LRRFIP2: variants seen among roughly 807,000 people sequenced by gnomAD.
LRRFIP2 encodes the protein LRR binding FLII interacting protein 2, also known as leucine-rich repeat flightless-interacting protein 2.
A neutral mutation model predicts 125.9 loss-of-function variants in LRRFIP2; 109 were observed. That is an observed-to-expected ratio of 0.87 (90% CI 0.74 to 1.01). LRRFIP2 has a LOEUF of 1.01. LRRFIP2 is among the 50% of genes least tolerant of loss of function. LRRFIP2 has a pLI of 0.00. For missense variants in LRRFIP2, 850 were observed against 862.3 expected (o/e 0.99, Z 0.18); for synonymous variants, 291 against 293.1 (o/e 0.99, Z 0.07).
At chr3:37,113,496 C>T (rs1382937299) in intron 7 of LRRFIP2, among the ~76,000 whole-genome samples, 1 of 152,130 alleles carries the variant, frequency 6.6e-6, no homozygotes, top group Non-Finnish European at 1.5e-5. Context: ...GAGACAATGT[C>T]TTGCTATGTT....
intron 19 of LRRFIP2, among the ~76,000 whole-genome samples, chr3:37,079,808 C>A (rs1227201876): frequency 6.6e-6 from 1 of 151,958 alleles, no homozygotes; most frequent in Non-Finnish European, 1.5e-5. Flanking sequence ...TCACGCTAAG[C>A]GAAAGAAGCC....
chr3:37,167,197 CAAA>C (rs570958652), intron 1 of LRRFIP2, among the ~76,000 whole-genome samples: 2 of 50,932 alleles, frequency 3.9e-5, no homozygotes, highest in Non-Finnish European at 4.7e-5. Context: ...ATCTTGTCTC[CAAA>C]AAAAAAAAAA....
chr3:37,088,044 TA>T (rs1199204641), intron 18 of LRRFIP2, among the ~76,000 whole-genome samples: 2 of 152,332 alleles, frequency 1.3e-5, no homozygotes, highest in African/African-American at 4.8e-5. Context: ...CTGTATTTAT[TA>T]AAAGCTCCAG....
At chr3:37,094,646 T>C (rs1355710710) in intron 17 of LRRFIP2, 146 bp downstream of exon 17, 11 of 523,106 alleles carry the variant, frequency 2.1e-5, no homozygotes, top group Non-Finnish European at 2.7e-5. Flanking sequence ...TCTGAAACAC[T>C]TGAGTCACAC....
chr3:37,151,130 G>A (rs566434212), intron 1 of LRRFIP2, among the ~76,000 whole-genome samples: 3 of 152,114 alleles, frequency 2.0e-5, no homozygotes, highest in South Asian at 2.1e-4. Context: ...AGGCCAAGGC[G>A]GGCAAATCAC....
upstream of LRRFIP2, chr3:37,176,014 C>T (rs2096658335): frequency 6.6e-6 from 1 of 152,158 alleles, no homozygotes; most frequent in Admixed American, 6.5e-5. Context: ...GTTCCCAACT[C>T]CCCGCTCCCT....
At position 37,055,179 on chromosome 3, in the gene LRRFIP2, A is replaced by C. The variant is rs748366217; in HGVS notation, c.1871-14T>G. The C allele has an allele frequency of 1.1e-5, 16 of 1,522,134 alleles. No individual in the cohort carries two copies. The highest frequency in any genetic ancestry group is 6.3e-5 in the Admixed American group (3 of 47,736). The allele number at this position is 1,522,134 out of a possible 1,614,324, so 94.3% of individuals were successfully genotyped here. On this transcript the variant is annotated splice_polypyrimidine_tract_variant and intron_variant, in intron 25 of 27. Transcript: ENST00000336686. The stretch of plus-strand genomic sequence containing the variant: ...TATTGGCATCTCCTAGAACAGAAGA[A>C]GACAATGAATTATCTTCACCTGTCA...
At chr3:37,135,415 G>A (rs1159452107) in intron 2 of LRRFIP2, among the ~76,000 whole-genome samples, 1 of 150,018 alleles carries the variant, frequency 6.7e-6, no homozygotes, top group Non-Finnish European at 1.5e-5. Context: ...CCGAGATTAT[G>A]CCACTGCACT....
At chr3:37,158,386 C>T (rs2096253799) in intron 1 of LRRFIP2, among the ~76,000 whole-genome samples, 3 of 151,828 alleles carry the variant, frequency 2.0e-5, no homozygotes, top group African/African-American at 7.3e-5. Flanking sequence ...GCAGGTGGAT[C>T]GCTTGAGGTC....
chr3:37,168,629 C>T (rs1250715175), intron 1 of LRRFIP2, among the ~76,000 whole-genome samples: 2 of 152,156 alleles, frequency 1.3e-5, no homozygotes, highest in Non-Finnish European at 2.9e-5. Context: ...CTTTATACCA[C>T]CGAATTGTAC....
chr3:37,096,481 G>A (rs2093724608), intron 16 of LRRFIP2, 135 bp downstream of exon 16: 3 of 625,266 alleles, frequency 4.8e-6, no homozygotes, highest in Non-Finnish European at 5.6e-6. Flanking sequence ...ATTTTGGAGG[G>A]TCAAGGACAG....
chr3:37,127,629 C>G lies in LRRFIP2; in HGVS notation c.228+1G>C. On this transcript the variant is annotated splice_donor_variant, in intron 4 of 27. Coordinates refer to ENST00000336686, the MANE Select transcript of LRRFIP2 (RefSeq NM_006309.4). LOFTEE classifies it high-confidence loss of function. ...ATGCAGGACAGGCAATACTGGCCTA[C>G]CAGCCACTTCTGAATCTGTCCCCAC... 6.2e-7 allele frequency: 1 copy of G among 1,613,664 alleles called. No individual in the cohort carries two copies. Among genetic ancestry groups the G allele is most frequent in the Middle Eastern group, 1.7e-4 (1 of 6,058 alleles).
chr3:37,089,474 T>C (rs1276342877), intron 18 of LRRFIP2, among the ~76,000 whole-genome samples: 4 of 152,210 alleles, frequency 2.6e-5, no homozygotes, highest in African/African-American at 9.6e-5. Context: ...TTCAATAGGA[T>C]ACATCATACC....
intron 18 of LRRFIP2, among the ~76,000 whole-genome samples, chr3:37,084,583 T>C (rs569671116): frequency 3.9e-5 from 6 of 152,210 alleles, no homozygotes; most frequent in East Asian, 1.9e-4. Flanking sequence ...GGAGGACCGA[T>C]TGAGCCCAGG....
chr3:37,055,702 G>T (rs1205937706), intron 25 of LRRFIP2, among the ~76,000 whole-genome samples: 3 of 152,154 alleles, frequency 2.0e-5, no homozygotes, highest in Admixed American at 1.3e-4. Flanking sequence ...GCAAGAGTTA[G>T]AAGAAAATTC....
chr3:37,106,761 G>T (rs2094345999), intron 13 of LRRFIP2, among the ~76,000 whole-genome samples: 1 of 152,122 alleles, frequency 6.6e-6, no homozygotes, highest in African/African-American at 2.4e-5. Context: ...GACCACCTGA[G>T]GTCACAAGTT....
At chr3:37,055,230 A>T in intron 25 of LRRFIP2, 65 bp from the exon 26 acceptor site, 1 of 964,368 alleles carries the variant, frequency 1.0e-6, no homozygotes, top group Non-Finnish European at 1.6e-6. Flanking sequence ...GCCATCAGGC[A>T]GTACCTCTGT....
chr3:37,142,368 C>T (rs1475043068), intron 2 of LRRFIP2, among the ~76,000 whole-genome samples: 1 of 151,956 alleles, frequency 6.6e-6, no homozygotes, highest in Non-Finnish European at 1.5e-5. Flanking sequence ...GTCTCAACTC[C>T]GGGGCTCACA....
chr3:37,121,035 T>C (rs1366690653), intron 6 of LRRFIP2, among the ~76,000 whole-genome samples: 1 of 152,198 alleles, frequency 6.6e-6, no homozygotes. Context: ...TGATAATTCC[T>C]ATACATATTC....
Sources: allele counts gnomAD v4.1 joint callset (sites outside exome capture counted in the v4.1 genomes callset), GRCh38; gene constraint gnomAD v4.1.1; transcripts MANE v1.5; gene names NCBI Gene and HGNC (gene_info 2026-07-23, HGNC 2026-07-21).